Variants in ADIPOR1 observed in about 807,000 individuals in gnomAD.
ADIPOR1 encodes adiponectin receptor 1.
ADIPOR1 carries 15 observed loss-of-function variants against 37.5 expected under a neutral mutation model. The ratio of observed to expected loss-of-function variants is 0.40; its 90% CI spans 0.27 to 0.62. The LOEUF is 0.62. Ranked by LOEUF, ADIPOR1 falls within the 20% of genes least tolerant of loss-of-function variation. ADIPOR1 has a pLI of 0.42. For missense variants in ADIPOR1, 286 were observed against 478.0 expected, an observed-to-expected ratio of 0.60 and a Z score of 3.75; for synonymous variants, 173 against 173.2, an observed-to-expected ratio of 1.00 and a Z score of 0.01.
Position 202,951,149 on chromosome 1 carries a change from C to A in ADIPOR1, c.-79G>T. On this transcript the variant is annotated 5_prime_UTR_variant, in exon 2 of 8. Coordinates refer to ENST00000340990, the MANE Select transcript of ADIPOR1 (RefSeq NM_015999.6). ...CTCAGCCCCAGGGGGCAGAGATCTC[C>A]CTCTGATGGTAGACACTAAAAGAAA... The A allele has an allele frequency of 6.4e-7, 1 of 1,553,508 alleles. No individual in the cohort carries two copies. The highest frequency in any genetic ancestry group is 8.8e-7 in the Non-Finnish European group (1 of 1,135,900).
chr1:202,954,050 T>C (rs10753929), intron 1 of ADIPOR1, among the ~76,000 whole-genome samples: 129,503 of 152,174 alleles, frequency 0.85, 55,210 homozygotes, highest in Middle Eastern at 0.93. Flanking sequence ...AGTCTTTTCC[T>C]TTTTCAGTCC....
At chr1:202,949,826 C>A (rs1654493729) in intron 2 of ADIPOR1, among the ~76,000 whole-genome samples, 1 of 152,182 alleles carries the variant, frequency 6.6e-6, no homozygotes. Flanking sequence ...AGTAACAAAG[C>A]CCACGGTTTT....
intron 2 of ADIPOR1, among the ~76,000 whole-genome samples, chr1:202,949,560 G>A (rs577123605): frequency 4.2e-4 from 54 of 128,166 alleles, no homozygotes; most frequent in African/African-American, 1.3e-3. Context: ...CAGCCAGGGC[G>A]ACAGCGAGAC....
chr1:202,952,770 A>T (rs547759745), intron 1 of ADIPOR1, among the ~76,000 whole-genome samples: 145 of 152,304 alleles, frequency 9.5e-4, no homozygotes, highest in African/African-American at 3.2e-3. Flanking sequence ...CTCATGAGCC[A>T]ATTCCCCGAA....
intron 1 of ADIPOR1, among the ~76,000 whole-genome samples, chr1:202,952,097 T>C (rs1032055292): frequency 6.6e-6 from 1 of 152,026 alleles, no homozygotes; most frequent in Non-Finnish European, 1.5e-5. Flanking sequence ...CTCAGGGAAA[T>C]GCAAATAAAA....
intron 4 of ADIPOR1, 89 bp downstream of exon 4, chr1:202,946,350 A>G: frequency 6.7e-7 from 1 of 1,502,588 alleles, no homozygotes; most frequent in Non-Finnish European, 9.1e-7. Context: ...CCCAGCTGCC[A>G]ATCGATCTGA....
At chr1:202,955,361 G>A (rs542294272) in intron 1 of ADIPOR1, among the ~76,000 whole-genome samples, 10 of 151,654 alleles carry the variant, frequency 6.6e-5, no homozygotes, top group South Asian at 4.2e-4. Context: ...CTTAGTAACC[G>A]GGACTACAGG....
intron 1 of ADIPOR1, among the ~76,000 whole-genome samples, chr1:202,957,760 C>A (rs772435300): frequency 1.1e-4 from 16 of 152,222 alleles, no homozygotes; most frequent in Non-Finnish European, 2.9e-5. Context: ...TGCGGCTGTT[C>A]CCCGCTGAGA....
intron 6 of ADIPOR1, 80 bp from the exon 7 acceptor site, chr1:202,942,298 C>T (rs1654125953): frequency 7.3e-7 from 1 of 1,363,644 alleles, no homozygotes. Context: ...TCTGGAATTT[C>T]AATGTTTATG....
intron 1 of ADIPOR1, among the ~76,000 whole-genome samples, chr1:202,955,467 G>T (rs1654746874): frequency 6.6e-6 from 1 of 151,918 alleles, no homozygotes; most frequent in African/African-American, 2.4e-5. Context: ...GGGATTACAG[G>T]TATGAGCCAC....
chr1:202,947,292 C>T (rs567341600), intron 3 of ADIPOR1, among the ~76,000 whole-genome samples: 75 of 152,170 alleles, frequency 4.9e-4, no homozygotes, highest in African/African-American at 1.6e-3. Context: ...GAGGCTGAGG[C>T]GGGCGGATCA....
chr1:202,947,617 TA>T (rs1379114839), intron 3 of ADIPOR1, among the ~76,000 whole-genome samples: 6 of 152,132 alleles, frequency 3.9e-5, no homozygotes, highest in African/African-American at 1.2e-4. Flanking sequence ...AACGTTGTTT[TA>T]AAAAACGTAC....
At chr1:202,950,508 C>T (rs1203814397) in intron 2 of ADIPOR1, among the ~76,000 whole-genome samples, 2 of 152,140 alleles carry the variant, frequency 1.3e-5, no homozygotes, top group African/African-American at 4.8e-5. Context: ...GATGGGAGAG[C>T]AACACAGGTG....
At chr1:202,958,477 C>CCCCGCCGCAGCCAGGTAACCTCCA (rs1654877211), upstream of ADIPOR1, 1 of 153,426 alleles carries the variant, frequency 6.5e-6, no homozygotes, top group African/African-American at 2.4e-5. Context: ...CTGCCCACCT[C>CCCCGCCGCAGCCAGGTAACCTCCA]CCCGCCGCAG....
rs372656012 is a variant in ADIPOR1 at position 202,951,036 on chromosome 1, C to T, written c.35G>A (p.Gly12Glu). 181 of 1,614,060 alleles carry T rather than the reference C, an allele frequency of 1.1e-4. No homozygotes were observed. Among genetic ancestry groups the T allele is most frequent in the Non-Finnish European group, 1.5e-4 (176 of 1,180,044 alleles). The part of the protein sequence containing the change: ...SSHKGSVVAQ[G>E]NGAPASNREA... ...CCTGTTACTGGCAGGAGCCCCATTC[C>T]CCTGTGCCACCACAGATCCTTTGTG... The change falls in exon 2 of 8, where the codon GGG (glycine) becomes GAG (glutamate). Residue 12 changes from glycine (G) to glutamate (E), a missense_variant. Physicochemically the swap from Gly to Glu is moderately conservative, Grantham distance 98. Coordinates refer to ENST00000340990, the MANE Select transcript of ADIPOR1 (RefSeq NM_015999.6).
rs765136165 is a variant in ADIPOR1 at position 202,946,624 on chromosome 1, A to G, written c.259-14T>C. 1.2e-5 allele frequency: 19 copies of G among 1,613,616 alleles called. No homozygotes were observed. The highest frequency in any genetic ancestry group is 1.5e-5 in the Non-Finnish European group (18 of 1,179,890). On this transcript the variant is annotated splice_polypyrimidine_tract_variant and intron_variant, in intron 3 of 7. Coordinates refer to ENST00000340990, the MANE Select transcript of ADIPOR1 (RefSeq NM_015999.6). ...TCCCTCCCAGACCTAGAACATATAC[A>G]CTTTCTCTGGGTAGGGCACTAGATA... is the stretch of plus-strand genomic sequence containing the variant.
At chr1:202,947,684 C>T (rs1654392179) in intron 3 of ADIPOR1, among the ~76,000 whole-genome samples, 1 of 152,158 alleles carries the variant, frequency 6.6e-6, no homozygotes, top group Admixed American at 6.5e-5. Flanking sequence ...ATCCCTCCCC[C>T]AATTAGATTC....
At chr1:202,949,579 C>CAA (rs57643319) in intron 2 of ADIPOR1, among the ~76,000 whole-genome samples, 24,972 of 98,828 alleles carry the variant, frequency 0.25, 3,716 homozygotes, top group Non-Finnish European at 0.32. Flanking sequence ...ACTCTGTCTC[C>CAA]AAAAAAAAAA....
intron 7 of ADIPOR1, 142 bp downstream of exon 7, chr1:202,941,883 A>G (rs1221711660): frequency 1.7e-6 from 2 of 1,168,400 alleles, no homozygotes; most frequent in Non-Finnish European, 2.4e-6. Flanking sequence ...CAAAATGTTA[A>G]TATTGATGAT....
Sources: gnomAD v4.1 joint callset for allele counts (sites outside exome capture counted in the v4.1 genomes callset) on GRCh38, gnomAD v4.1.1 for gene constraint, MANE v1.5 for transcripts, NCBI Gene and HGNC (gene_info 2026-07-23, HGNC 2026-07-21) for gene names.